Variants in NFKB1 observed in about 807,000 individuals in gnomAD.
NFKB1 encodes the protein nuclear factor kappa B subunit 1.
NFKB1 carries 9 observed loss-of-function variants against 105.1 expected under a neutral mutation model. The observed-to-expected ratio is 0.09, with a 90% CI of 0.05 to 0.15. NFKB1 has a LOEUF of 0.15. Ranked by LOEUF, NFKB1 falls within the 10% of genes least tolerant of loss-of-function variation. The probability of loss-of-function intolerance (pLI) is 1.00; values close to 1 mark genes in which losing one functional copy is unlikely to be tolerated. For synonymous variants in NFKB1, 440 were observed against 442.2 expected, an observed-to-expected ratio of 1.00 and a Z score of 0.06; for missense variants, 830 against 1,203.7, an observed-to-expected ratio of 0.69 and a Z score of 4.59.
rs1740540444 is a variant in NFKB1, at chr4:102,521,069, A to G, written c.-7-4443A>G. ...TTTTTAACAGTTGCATATTTAACTT[A>G]TAAATGTGGATAATTATAATTAAAC... On this transcript the variant is annotated intron_variant, in intron 1 of 23. Coordinates refer to ENST00000226574, the MANE Select transcript of NFKB1 (RefSeq NM_003998.4). 2.6e-5 allele frequency among the ~76,000 whole-genome samples: 4 copies of G among 152,218 alleles called. No homozygotes were observed. The South Asian group carries it at 8.3e-4, about 32-fold the overall frequency.
At chr4:102,578,036 C>T in intron 7 of NFKB1, 1 of 966,648 alleles carries the variant, frequency 1.0e-6, no homozygotes, top group African/African-American at 1.8e-5. Context: ...AATCTATTTC[C>T]CGTTTTGCCC....
At chr4:102,605,544 G>A (rs902785796) in intron 16 of NFKB1, among the ~76,000 whole-genome samples, 1 of 152,310 alleles carries the variant, frequency 6.6e-6, no homozygotes, top group East Asian at 1.9e-4. Flanking sequence ...TTCTCTGTCA[G>A]TGAACTCAGT....
rs543704895 is a variant in NFKB1, at chr4:102,599,323, T to C, written c.1638-1572T>C. On this transcript the variant is annotated intron_variant, in intron 15 of 23. Coordinates refer to ENST00000226574, the MANE Select transcript of NFKB1 (RefSeq NM_003998.4). ...TAGTGAAACCCTGAGATCATCCGTTTTAAAATATTTCTCAAGTAGCAAAAT... is the reference window on the plus strand; with the variant it reads ...TAGTGAAACCCTGAGATCATCCGTTCTAAAATATTTCTCAAGTAGCAAAAT... Among the ~76,000 whole-genome samples the C allele has an allele frequency of 2.4e-3, 359 of 152,318 alleles. 2 individuals carry two copies. The highest frequency in any genetic ancestry group is 8.4e-3 in the African/African-American group (348 of 41,566).
At chr4:102,544,536 T>G (rs902363790) in intron 5 of NFKB1, among the ~76,000 whole-genome samples, 1 of 152,172 alleles carries the variant, frequency 6.6e-6, no homozygotes, top group Non-Finnish European at 1.5e-5. Flanking sequence ...AAATATTGAT[T>G]GAGCACTGTG....
At chr4:102,540,783 AT>A (rs376845889) in intron 5 of NFKB1, among the ~76,000 whole-genome samples, 1,704 of 149,908 alleles carry the variant, frequency 0.011, 42 homozygotes, top group African/African-American at 0.038. Context: ...ACGGCCAGGT[AT>A]TTTTTTTTTC....
chr4:102,602,452 A>G (rs1727248561), intron 16 of NFKB1, among the ~76,000 whole-genome samples: 1 of 151,632 alleles, frequency 6.6e-6, no homozygotes, highest in Admixed American at 6.6e-5. Context: ...AGGCAGGAGA[A>G]TGGTGTGAAC....
At position 102,610,429 on chromosome 4, in the gene NFKB1, A is replaced by C; in HGVS notation, c.2228-146A>C. On this transcript the variant is annotated intron_variant, in intron 19 of 23. Transcript: ENST00000226574. Reference sequence around the variant, plus strand: ...TTAAAATAATTTCTCTGGATATTCCAGTAGAAATGTTTTATGATTTAAAAA... The same window carrying C: ...TTAAAATAATTTCTCTGGATATTCCCGTAGAAATGTTTTATGATTTAAAAA... 4.1e-6 allele frequency: 3 copies of C among 737,070 alleles called. No homozygotes were observed. In the South Asian group the frequency reaches 7.7e-5, roughly 19 times the overall value. The allele number at this position is 737,070 out of a possible 1,614,324, so 45.7% of individuals were successfully genotyped here.
chr4:102,529,525 A>G (rs755123110), intron 2 of NFKB1, among the ~76,000 whole-genome samples: 2 of 152,322 alleles, frequency 1.3e-5, no homozygotes, highest in South Asian at 2.1e-4. Flanking sequence ...ATAAGCATGT[A>G]CTTGGCCCTG....
At chr4:102,594,262 G>A (rs571883524) in intron 12 of NFKB1, among the ~76,000 whole-genome samples, 60 of 152,236 alleles carry the variant, frequency 3.9e-4, no homozygotes, top group African/African-American at 1.3e-3. Flanking sequence ...ACAAACCATA[G>A]TATAACTTAC....
intron 5 of NFKB1, among the ~76,000 whole-genome samples, chr4:102,560,351 A>G (rs1173036543): frequency 2.0e-5 from 3 of 152,216 alleles, no homozygotes; most frequent in Admixed American, 2.0e-4. Context: ...GGAAAAGATA[A>G]AACTTTCAGA....
At chr4:102,572,646 T>C (rs1351599290) in intron 6 of NFKB1, among the ~76,000 whole-genome samples, 1 of 152,222 alleles carries the variant, frequency 6.6e-6, no homozygotes, top group Non-Finnish European at 1.5e-5. Context: ...ATAAAAGCCA[T>C]TCTGACAGGT....
At chr4:102,588,634 A>G (rs1010113330) in intron 11 of NFKB1, among the ~76,000 whole-genome samples, 2 of 152,308 alleles carry the variant, frequency 1.3e-5, no homozygotes, top group African/African-American at 2.4e-5. Flanking sequence ...AATAGGTAGC[A>G]AACACTAGGA....
At chr4:102,605,190 G>A (rs1200431203) in intron 16 of NFKB1, among the ~76,000 whole-genome samples, 1 of 152,054 alleles carries the variant, frequency 6.6e-6, no homozygotes, top group Admixed American at 6.5e-5. Context: ...GAAGGCTCTT[G>A]GCAACAATAT....
Position 102,597,516 on chromosome 4 carries a change from A to C in NFKB1, c.1496-4A>C, listed in dbSNP as rs963319535. ...CAACTATGATTGTGGTCATTGCCTT[A>C]CAGATAACCTCTTTCTAGAGAAGGC... On this transcript the variant is annotated splice_polypyrimidine_tract_variant and splice_region_variant and intron_variant, in intron 14 of 23. Transcript: ENST00000226574. 6.2e-7 allele frequency: 1 copy of C among 1,608,368 alleles called. No homozygotes were observed. Among genetic ancestry groups the C allele is most frequent in the Non-Finnish European group, 8.5e-7 (1 of 1,176,400 alleles).
chr4:102,616,338 G>T, intron 23 of NFKB1, 96 bp from the exon 24 acceptor site: 3 of 1,371,726 alleles, frequency 2.2e-6, no homozygotes, highest in Non-Finnish European at 2.0e-6. Flanking sequence ...ATGTGTGGCT[G>T]GCAGAAGCCA....
chr4:102,603,029 T>C (rs1727335080), intron 16 of NFKB1, among the ~76,000 whole-genome samples: 2 of 152,184 alleles, frequency 1.3e-5, no homozygotes, highest in South Asian at 4.1e-4. Context: ...TTATTTTATG[T>C]TTATAAATAG....
Position 102,607,487 on chromosome 4 carries a change from C to T in NFKB1, c.2125-162C>T, listed in dbSNP as rs4648098. ...CACCTTTAGACATTCCCCCAACCCC[C>T]TTGCTTGGCATCTCTAACTGGGGAT... On this transcript the variant is annotated intron_variant, in intron 18 of 23. Coordinates refer to ENST00000226574, the MANE Select transcript of NFKB1 (RefSeq NM_003998.4). Among the ~76,000 whole-genome samples, 433 of 152,274 alleles carry T rather than the reference C, an allele frequency of 2.8e-3. 2 individuals are homozygous for T. Among genetic ancestry groups the T allele is most frequent in the African/African-American group, 0.01 (419 of 41,564 alleles).
intron 4 of NFKB1, 55 bp from the exon 5 acceptor site, chr4:102,537,803 G>T: frequency 7.4e-6 from 8 of 1,088,166 alleles, no homozygotes; most frequent in South Asian, 2.7e-5. Flanking sequence ...CTTTGTTGCC[G>T]TAATTTTTAA....
intron 18 of NFKB1, 113 bp from the exon 19 acceptor site, chr4:102,607,536 A>G (rs1276050283): frequency 8.9e-6 from 11 of 1,241,978 alleles, no homozygotes; most frequent in Non-Finnish European, 1.3e-5. Context: ...GAGCCAGCCC[A>G]AAGTAGCAAT....
Sources: allele counts gnomAD v4.1 joint callset (sites outside exome capture counted in the v4.1 genomes callset), GRCh38; gene constraint gnomAD v4.1.1; transcripts MANE v1.5; gene names NCBI Gene and HGNC (gene_info 2026-07-23, HGNC 2026-07-21).